The following RIMS1 variants were observed in gnomAD, a reference collection of about 807,000 sequenced individuals.
The protein encoded by RIMS1 is regulating synaptic membrane exocytosis 1.
A neutral mutation model predicts 214.1 loss-of-function variants in RIMS1; 83 were observed. The ratio of observed to expected loss-of-function variants is 0.39; its 90% CI spans 0.32 to 0.47. RIMS1 has a LOEUF of 0.47. Among genes scored for constraint, RIMS1 ranks in the 20% least tolerant of loss-of-function variants. RIMS1 has a pLI of 0.99. For synonymous variants in RIMS1, 793 were observed against 786.8 expected, an observed-to-expected ratio of 1.01 and a Z score of -0.13; for missense variants, 2,050 against 2,161.8, an observed-to-expected ratio of 0.95 and a Z score of 1.03.
At chr6:72,175,963 G>C (rs1367790638) in intron 4 of RIMS1, among the ~76,000 whole-genome samples, 4 of 152,074 alleles carry the variant, frequency 2.6e-5, no homozygotes, top group African/African-American at 4.8e-5. Flanking sequence ...AGAATTAAGA[G>C]GAAAAGACAA....
chr6:72,329,693 T>A (rs968334137), intron 28 of RIMS1, among the ~76,000 whole-genome samples: 2 of 151,826 alleles, frequency 1.3e-5, no homozygotes, highest in African/African-American at 4.8e-5. Flanking sequence ...TGTTAGGGAA[T>A]GCTCAAGAAA....
intron 2 of RIMS1, among the ~76,000 whole-genome samples, chr6:72,044,490 A>G (rs185554816): frequency 1.6e-4 from 25 of 152,034 alleles, no homozygotes; most frequent in African/African-American, 5.8e-4. Context: ...ATTTTTAATA[A>G]AAGACATATA....
chr6:72,363,251 A>G (rs779847314), intron 29 of RIMS1, among the ~76,000 whole-genome samples: 25 of 152,188 alleles, frequency 1.6e-4, no homozygotes, highest in Non-Finnish European at 3.1e-4. Context: ...AATTTTAAGG[A>G]AGTAAAAAAA....
intron 28 of RIMS1, among the ~76,000 whole-genome samples, chr6:72,315,110 A>G (rs1415454807): frequency 2.0e-5 from 3 of 152,202 alleles, no homozygotes; most frequent in Non-Finnish European, 4.4e-5. Flanking sequence ...ATTTTATACA[A>G]GGAGAATGGG....
chr6:72,033,922 A>G (rs1204535908), intron 2 of RIMS1, among the ~76,000 whole-genome samples: 9 of 152,194 alleles, frequency 5.9e-5, no homozygotes, highest in Non-Finnish European at 8.8e-5. Flanking sequence ...TTTACTGCCC[A>G]TAGCCTGTTT....
chr6:72,158,624 T>G (rs1247744509), intron 4 of RIMS1, among the ~76,000 whole-genome samples: 1 of 129,398 alleles, frequency 7.7e-6, no homozygotes, highest in East Asian at 2.3e-4. Flanking sequence ...GTGTTCTCAT[T>G]GCTCAATTCC....
chr6:72,083,266 A>G (rs1433772307), intron 2 of RIMS1, among the ~76,000 whole-genome samples: 3 of 152,218 alleles, frequency 2.0e-5, no homozygotes, highest in Non-Finnish European at 4.4e-5. Context: ...TACATTTATC[A>G]GTGCAGTGAT....
At chr6:72,266,450 A>G (rs2080573241) in intron 22 of RIMS1, 1 of 222,132 alleles carries the variant, frequency 4.5e-6, no homozygotes, top group African/African-American at 2.3e-5. Flanking sequence ...TAGTATTTAT[A>G]GGTTTAACAA....
chr6:71,894,457 G>A (rs2150375162), intron 1 of RIMS1, among the ~76,000 whole-genome samples: 1 of 152,012 alleles, frequency 6.6e-6, no homozygotes, highest in South Asian at 2.1e-4. Context: ...AAAAAAAAAG[G>A]AAATAAGGTA....
intron 2 of RIMS1, among the ~76,000 whole-genome samples, chr6:71,989,086 T>A (rs985031318): frequency 1.3e-5 from 2 of 152,164 alleles, no homozygotes; most frequent in Non-Finnish European, 2.9e-5. Flanking sequence ...ATGGAAGAAG[T>A]ATGGAAGTAT....
intron 28 of RIMS1, among the ~76,000 whole-genome samples, chr6:72,318,816 C>T (rs561888432): frequency 3.3e-5 from 5 of 152,208 alleles, no homozygotes; most frequent in Admixed American, 6.5e-5. Flanking sequence ...ATTCACTTAC[C>T]GACCTGTTTT....
chr6:72,199,819 A>G (rs1445259502), intron 6 of RIMS1, among the ~76,000 whole-genome samples: 2 of 152,128 alleles, frequency 1.3e-5, no homozygotes, highest in Admixed American at 1.3e-4. Context: ...AAAATTAGAA[A>G]CCAGTAGATA....
chr6:72,351,701 A>G (rs113975547), intron 29 of RIMS1, among the ~76,000 whole-genome samples: 4,366 of 152,298 alleles, frequency 0.029, 78 homozygotes, highest in Non-Finnish European at 0.042. Flanking sequence ...TGCCTTCAGT[A>G]TGTTTAAAAT....
intron 19 of RIMS1, chr6:72,261,817 A>C: frequency 4.1e-6 from 4 of 985,202 alleles, no homozygotes; most frequent in Non-Finnish European, 4.8e-6. Context: ...AACTACTGCC[A>C]TGTTTGCTTG....
intron 29 of RIMS1, among the ~76,000 whole-genome samples, chr6:72,381,176 G>A (rs1351294371): frequency 9.9e-5 from 15 of 152,168 alleles, no homozygotes; most frequent in East Asian, 1.9e-4. Flanking sequence ...ATTTTGTTGC[G>A]TCTTCCTAGG....
At chr6:72,146,218 T>A (rs181997091) in intron 4 of RIMS1, among the ~76,000 whole-genome samples, 50 of 152,282 alleles carry the variant, frequency 3.3e-4, no homozygotes, top group Middle Eastern at 3.4e-3. Context: ...TCTCAAATAT[T>A]TTTAAAAAGG....
In RIMS1 at chr6:72,149,536, G is replaced by C. The variant is rs1204184235; in HGVS notation, c.472-30039G>C. Among the ~76,000 whole-genome samples the C allele has an allele frequency of 2.6e-5, 4 of 152,074 alleles. No homozygotes were observed. In the East Asian group the frequency reaches 7.7e-4, roughly 29 times the overall value. On this transcript the variant is annotated intron_variant, in intron 4 of 33. Transcript: ENST00000521978. ...CTTACACCTGAGAGTGATGGGGGTGGGGGTGGTGGCAGAGCCCTCCCCACA... is the reference window on the plus strand; with the variant it reads ...CTTACACCTGAGAGTGATGGGGGTGCGGGTGGTGGCAGAGCCCTCCCCACA...
chr6:72,134,448 T>C (rs1206698109), intron 4 of RIMS1, among the ~76,000 whole-genome samples: 2 of 152,112 alleles, frequency 1.3e-5, no homozygotes, highest in Admixed American at 1.3e-4. Flanking sequence ...TACACTTTAA[T>C]ATTGATATTA....
chr6:71,952,664 G>A (rs1789999707), intron 1 of RIMS1, among the ~76,000 whole-genome samples: 1 of 152,166 alleles, frequency 6.6e-6, no homozygotes, highest in South Asian at 2.1e-4. Context: ...GGGAGGAAAC[G>A]TCTTTTTTGA....
Sources: gnomAD v4.1 joint callset for allele counts (sites outside exome capture counted in the v4.1 genomes callset) on GRCh38, gnomAD v4.1.1 for gene constraint, MANE v1.5 for transcripts, NCBI Gene and HGNC (gene_info 2026-07-23, HGNC 2026-07-21) for gene names.